ABCG1: variants seen among roughly 807,000 people sequenced by gnomAD.
ABCG1 encodes the protein ATP-binding cassette sub-family G member 1.
A neutral mutation model predicts 69.2 loss-of-function variants in ABCG1; 29 were observed. That is an observed-to-expected ratio of 0.42 (90% CI 0.31 to 0.57). The LOEUF is 0.57. Ranked by LOEUF, ABCG1 falls within the 20% of genes least tolerant of loss-of-function variation. The pLI is 0.15. For missense variants in ABCG1, 718 were observed against 898.1 expected, an observed-to-expected ratio of 0.80 and a Z score of 2.56; for synonymous variants, 370 against 374.8, an observed-to-expected ratio of 0.99 and a Z score of 0.15.
chr21:42,271,657 G>A lies in ABCG1; in HGVS notation c.404+470G>A, dbSNP rs142196616. Among the ~76,000 whole-genome samples, 1,267 of 152,300 alleles carry A rather than the reference G, an allele frequency of 8.3e-3. 26 individuals carry two copies. The highest frequency in any genetic ancestry group is 0.027 in the African/African-American group (1,142 of 41,558). ...AGCACTTTGGGAGGCCGAGGTGGGC[G>A]GATTACCTGAGGTCAGGAGTTCTAG... On this transcript the variant is annotated intron_variant, in intron 3 of 14. Transcript: ENST00000398449.
At chr21:42,243,738 A>T (rs1213473190) in intron 2 of ABCG1, among the ~76,000 whole-genome samples, 1 of 151,090 alleles carries the variant, frequency 6.6e-6, no homozygotes, top group Admixed American at 6.6e-5. Context: ...GGTGGTGGAG[A>T]GAAGCAAAGA....
At chr21:42,284,441 G>A (rs2068897898) in intron 6 of ABCG1, 119 bp from the exon 7 acceptor site, 2 of 1,277,082 alleles carry the variant, frequency 1.6e-6, no homozygotes, top group African/African-American at 3.0e-5. Flanking sequence ...CGGGGCAGCT[G>A]CAGCTGCAGC....
chr21:42,201,810 G>A lies in ABCG1; in HGVS notation c.48+87G>A. On this transcript the variant is annotated intron_variant, in intron 2 of 15. Transcript: ENST00000398457. ...TTTCAACTCGTTCCGTGGGCCTGATGTAGTCTAGAGATGATTCTTGGTGTG... is the reference window on the plus strand; with the variant it reads ...TTTCAACTCGTTCCGTGGGCCTGATATAGTCTAGAGATGATTCTTGGTGTG... 6 of 1,603,108 alleles carry A rather than the reference G, an allele frequency of 3.7e-6. No homozygotes were observed. The South Asian group carries it at 5.5e-5, about 15-fold the overall frequency.
At position 42,291,354 on chromosome 21, in the gene ABCG1, G is replaced by A. The variant is rs1416553574; in HGVS notation, c.1495-144G>A. ...AGGGCCTGACTTCGGGAGCTGTGGC[G>A]GGAGCTGTGGGGAGTGGGGAAGGAC... On this transcript the variant is annotated intron_variant, in intron 12 of 14. Transcript: ENST00000398449. The surrounding 1 kb of genome is among the most constrained non-coding windows in gnomAD (Gnocchi z 6.4). 13 of 1,218,874 alleles carry A rather than the reference G, an allele frequency of 1.1e-5. No individual in the cohort carries two copies. In the East Asian group the frequency reaches 1.2e-4, roughly 12 times the overall value. 75.5% of individuals were successfully genotyped at this position (1,218,874 alleles called of 1,614,324 possible). A position where few individuals can be genotyped will look rare whatever the true frequency, so the allele number is the denominator to read the frequency against.
intron 13 of ABCG1, among the ~76,000 whole-genome samples, chr21:42,293,227 C>T (rs1223586783): frequency 7.6e-6 from 1 of 131,816 alleles, no homozygotes. Flanking sequence ...ACACTACACA[C>T]TACACACCAC....
rs113770117 is a variant in ABCG1 at position 42,226,884 on chromosome 21, G to A, written c.286+970G>A. Reference sequence around the variant, plus strand: ...ACCCCTGGAATATGCTAATATTTTAGGACTTTGAACTTAAAACTGGATTCA... The same window carrying A: ...ACCCCTGGAATATGCTAATATTTTAAGACTTTGAACTTAAAACTGGATTCA... On this transcript the variant is annotated intron_variant, in intron 2 of 14. Transcript: ENST00000398449. Among the ~76,000 whole-genome samples the A allele has an allele frequency of 7.8e-3, 1,182 of 152,298 alleles. 16 individuals are homozygous for A. Among genetic ancestry groups the A allele is most frequent in the African/African-American group, 0.027 (1,129 of 41,564 alleles).
upstream of ABCG1, among the ~76,000 whole-genome samples, chr21:42,214,378 A>C (rs150302668): frequency 6.9e-3 from 1,058 of 152,316 alleles, 15 homozygotes; most frequent in African/African-American, 0.024. Context: ...GCTATGAACA[A>C]TACCTTTCTG....
intron 3 of ABCG1, among the ~76,000 whole-genome samples, chr21:42,271,982 T>C (rs538470023): frequency 2.3e-4 from 35 of 152,342 alleles, no homozygotes; most frequent in African/African-American, 8.4e-4. Context: ...TTAGAAAACT[T>C]AGAATCTTTA....
At chr21:42,268,955 T>C (rs573256793) in intron 2 of ABCG1, among the ~76,000 whole-genome samples, 1 of 152,280 alleles carries the variant, frequency 6.6e-6, no homozygotes, top group East Asian at 1.9e-4. Flanking sequence ...CCCCAGGCAC[T>C]GTCAAAGGTG....
chr21:42,238,541 G>C (rs1013754582), intron 2 of ABCG1, among the ~76,000 whole-genome samples: 2 of 152,200 alleles, frequency 1.3e-5, no homozygotes, highest in African/African-American at 4.8e-5. Flanking sequence ...ATTTCTGAGA[G>C]ATCTCTCAAG....
chr21:42,283,224 C>T (rs759961644), intron 6 of ABCG1, among the ~76,000 whole-genome samples: 7 of 152,176 alleles, frequency 4.6e-5, no homozygotes, highest in South Asian at 2.1e-4. Context: ...GGGGGGATGG[C>T]GGGGCTCACT....
At chr21:42,210,380 T>C (rs8134684) in intron 2 of ABCG1, among the ~76,000 whole-genome samples, 3,848 of 152,210 alleles carry the variant, frequency 0.025, 155 homozygotes, top group African/African-American at 0.087. Flanking sequence ...GTATTTGTTA[T>C]GGGTGTGATG....
At chr21:42,229,502 G>A (rs1171837769) in intron 2 of ABCG1, among the ~76,000 whole-genome samples, 1 of 152,014 alleles carries the variant, frequency 6.6e-6, no homozygotes, top group Non-Finnish European at 1.5e-5. Flanking sequence ...GGTGGATCAC[G>A]AGGTCAGGAG....
chr21:42,224,307 C>A (rs1198566054), intron 1 of ABCG1, among the ~76,000 whole-genome samples: 1 of 152,170 alleles, frequency 6.6e-6, no homozygotes, highest in African/African-American at 2.4e-5. Context: ...AGGGGCATGG[C>A]GTAGCAGCTC....
intron 5 of ABCG1, among the ~76,000 whole-genome samples, chr21:42,281,908 T>C (rs2068816532): frequency 6.6e-6 from 1 of 152,232 alleles, no homozygotes; most frequent in Non-Finnish European, 1.5e-5. Flanking sequence ...ACTGGACACC[T>C]TCTCCGTATG....
At chr21:42,290,946 A>AC in intron 11 of ABCG1, 146 bp from the exon 12 acceptor site, 1 of 624,800 alleles carries the variant, frequency 1.6e-6, no homozygotes. Flanking sequence ...AGGCTAGCAA[A>AC]ACACATCCTC....
At chr21:42,241,711 G>C (rs772708267) in intron 2 of ABCG1, among the ~76,000 whole-genome samples, 17 of 151,896 alleles carry the variant, frequency 1.1e-4, no homozygotes, top group Non-Finnish European at 2.2e-4. Context: ...GCCCTGCTGG[G>C]TGCAGTAGCT....
chr21:42,250,380 G>A (rs1036896858), intron 2 of ABCG1, among the ~76,000 whole-genome samples: 1 of 152,154 alleles, frequency 6.6e-6, no homozygotes, highest in Admixed American at 6.5e-5. Context: ...CCCATTCCCT[G>A]CCCCATGCCT....
chr21:42,261,511 C>T (rs1009239986), intron 2 of ABCG1, among the ~76,000 whole-genome samples: 4 of 152,224 alleles, frequency 2.6e-5, no homozygotes, highest in African/African-American at 9.6e-5. Context: ...ACAGAATCCA[C>T]AGGGGCCTGG....
Sources: allele counts gnomAD v4.1 joint callset (sites outside exome capture counted in the v4.1 genomes callset), GRCh38; gene constraint gnomAD v4.1.1; non-coding constraint Gnocchi (gnomAD v3.1); transcripts MANE v1.5; gene names NCBI Gene and HGNC (gene_info 2026-07-23, HGNC 2026-07-21).